The following DUS1L variants were observed in gnomAD, a reference collection of about 807,000 sequenced individuals.
DUS1L encodes dihydrouridine synthase 1 like.
In DUS1L, 56 loss-of-function variants were observed where a neutral mutation model predicts 61.2. The observed-to-expected ratio is 0.92, with a 90% confidence interval of 0.74 to 1.14. The LOEUF is 1.14. Ranked by LOEUF, DUS1L falls within the 50% of genes most tolerant of loss-of-function variation. The pLI, the probability that DUS1L is intolerant of heterozygous loss-of-function variation, is 0.00. For synonymous variants in DUS1L, 278 were observed against 259.5 expected (o/e 1.07, Z -0.69); for missense variants, 630 against 632.4 (o/e 1.00, Z 0.04).
In DUS1L at chr17:82,060,677, G is replaced by A. The variant is rs368238972; in HGVS notation, c.1022+24C>T. ...AGCCCACACCTTGGTGCACATCCCC[G>A]CCCAGGGCTGGCTGGGCTCTCACCC... On this transcript the variant is annotated intron_variant, in intron 10 of 13. Coordinates refer to ENST00000306796, the MANE Select transcript of DUS1L (RefSeq NM_022156.5). 1.4e-5 allele frequency: 23 copies of A among 1,609,282 alleles called. No individual in the cohort carries two copies. In the African/African-American group the frequency reaches 1.6e-4, roughly 11 times the overall value.
intron 10 of DUS1L, chr17:82,060,436 G>T: frequency 1.7e-6 from 1 of 588,886 alleles, no homozygotes; most frequent in South Asian, 2.1e-5. Flanking sequence ...GCTCAGAGAA[G>T]TATGTTATGG....
chr17:82,061,770 G>A (rs777093052), intron 6 of DUS1L, 49 bp from the exon 7 acceptor site: 1 of 1,601,874 alleles, frequency 6.2e-7, no homozygotes, highest in Non-Finnish European at 8.5e-7. Flanking sequence ...CAGCACCCAG[G>A]TGATGCTGCC....
In DUS1L at chr17:82,062,944, G is replaced by A. The variant is rs138008936; in HGVS notation, c.427C>T (p.Pro143Ser). ...AAGACACGGATTTTGCACGTGACAG[G>A]AACAGAGAGTTTCTCGTGGGCCAGC... is the stretch of plus-strand genomic sequence containing the variant. ...ILLAHEKLSV[P>S]VTCKIRVFPE... The change falls in exon 5 of 14, where the codon CCT (proline) becomes TCT (serine). Residue 143 changes from proline to serine, a missense_variant. Pro to Ser is a moderately conservative substitution (Grantham distance 74). Coordinates refer to ENST00000306796, the MANE Select transcript of DUS1L (RefSeq NM_022156.5). The A allele has an allele frequency of 9.3e-6, 15 of 1,612,902 alleles. No individual in the cohort carries two copies. The highest frequency in any genetic ancestry group is 1.2e-5 in the Non-Finnish European group (14 of 1,179,942).
intron 4 of DUS1L, 61 bp downstream of exon 4, chr17:82,063,407 T>G: frequency 6.2e-7 from 1 of 1,609,320 alleles, no homozygotes; most frequent in Non-Finnish European, 8.5e-7. Flanking sequence ...AAGTGGACAG[T>G]GCCCATGTGT....
At chr17:82,063,017 C>T (rs2033586431) in intron 4 of DUS1L, 44 bp from the exon 5 acceptor site, 2 of 1,541,712 alleles carry the variant, frequency 1.3e-6, no homozygotes, top group African/African-American at 2.7e-5. Context: ...ATGGTGTTCC[C>T]ACTTTAGCGG....
chr17:82,058,951 G>T, intron 11 of DUS1L, 133 bp from the exon 12 acceptor site: 1 of 841,396 alleles, frequency 1.2e-6, no homozygotes, highest in Non-Finnish European at 2.0e-6. Context: ...AGGAGGCTCA[G>T]GGAGGGCAGA....
chr17:82,065,189 G>A (rs930471083), intron 1 of DUS1L, 120 bp from the exon 2 acceptor site: 7 of 851,952 alleles, frequency 8.2e-6, no homozygotes, highest in Non-Finnish European at 1.1e-5. Context: ...TCACACGCGG[G>A]GGCACTAAAG....
chr17:82,059,653 C>T (rs1398357413), intron 11 of DUS1L: 5 of 418,220 alleles, frequency 1.2e-5, no homozygotes, highest in East Asian at 4.1e-5. Context: ...CAGGGGCAGC[C>T]GCAGGGACCC....
Position 82,061,332 on chromosome 17 carries a change from G to T in DUS1L, c.719C>A (p.Ala240Asp), listed in dbSNP as rs1256337062. 1 of 1,589,540 alleles carries T rather than the reference G, an allele frequency of 6.3e-7. No individual in the cohort carries two copies. The highest frequency in any genetic ancestry group is 1.3e-5 in the African/African-American group (1 of 74,344). ...MSAEGNLHNP[A>D]LFEGRSPAVW... is the part of the protein sequence containing the mutation. ...GGCAGGGCTCCGGCCCTCGAACAGG[G>T]CGGGGTTGTGCAGGTTGCCCTCTGT... The change falls in exon 8 of 14, where the codon GCC (alanine) becomes GAC (aspartate). Residue 240 changes from alanine (A) to aspartate (D), a missense_variant. Transcript: ENST00000306796.
intron 8 of DUS1L, 37 bp from the exon 9 acceptor site, chr17:82,060,998 G>A (rs747954443): frequency 1.9e-6 from 3 of 1,594,860 alleles, no homozygotes; most frequent in Non-Finnish European, 2.6e-6. Flanking sequence ...CTGGGCTCCC[G>A]GCTCCACCGT....
chr17:82,062,846 G>A lies in DUS1L; in HGVS notation c.510+15C>T, dbSNP rs200048736. 4.9e-5 allele frequency: 78 copies of A among 1,607,636 alleles called. No homozygotes were observed. The highest frequency in any genetic ancestry group is 3.8e-4 in the Admixed American group (23 of 60,018). Reference sequence around the variant, plus strand: ...CAGCTGAGGCCCATGACACCCCCGCGAGCCCAGGGCTCACCTGGCAGCCGG... The same window carrying A: ...CAGCTGAGGCCCATGACACCCCCGCAAGCCCAGGGCTCACCTGGCAGCCGG... On this transcript the variant is annotated intron_variant, in intron 5 of 13. Transcript: ENST00000306796.
rs2033483040 is a variant in DUS1L, at chr17:82,061,344, A to G, written c.707T>C (p.Leu236Pro). The G allele has an allele frequency of 1.9e-6, 3 of 1,578,178 alleles. No homozygotes were observed. The change falls in exon 8 of 14, where the codon CTG becomes CCG. Residue 236 changes from leucine to proline, a missense_variant. Transcript: ENST00000306796. ...VQGVMSAEGN[L>P]HNPALFEGRS... ...GCCCTCGAACAGGGCGGGGTTGTGCAGGTTGCCCTCTGTGGGAGGAGGAGC... is the reference window on the plus strand; with the variant it reads ...GCCCTCGAACAGGGCGGGGTTGTGCGGGTTGCCCTCTGTGGGAGGAGGAGC...
chr17:82,063,501 G>A lies in DUS1L; in HGVS notation c.364C>T (p.Leu122=). Reference sequence around the variant, plus strand: ...TGGAGCAGGTCCCACTCGTCCTGCAGAAAGGCGCCATAGTGACCTGCAAGG... The same window carrying A: ...TGGAGCAGGTCCCACTCGTCCTGCAAAAAGGCGCCATAGTGACCTGCAAGG... The part of the protein sequence containing the change: ...IAKRGHYGAF[L]QDEWDLLQRM... The change falls in exon 4 of 14, where the codon CTG becomes TTG. Residue 122 remains leucine, a synonymous_variant. Coordinates refer to ENST00000306796, the MANE Select transcript of DUS1L (RefSeq NM_022156.5). The A allele has an allele frequency of 6.2e-7, 1 of 1,613,698 alleles. No individual in the cohort carries two copies. The highest frequency in any genetic ancestry group is 8.5e-7 in the Non-Finnish European group (1 of 1,179,996).
chr17:82,065,471 C>T (rs896666168), intron 1 of DUS1L, 142 bp downstream of exon 1: 3 of 176,052 alleles, frequency 1.7e-5, no homozygotes, highest in African/African-American at 7.1e-5. Flanking sequence ...AAGGGCAGAG[C>T]TTCCTTCTCC....
intron 11 of DUS1L, chr17:82,059,531 G>A (rs1443929158): frequency 2.8e-5 from 5 of 179,358 alleles, no homozygotes; most frequent in Admixed American, 5.6e-5. Context: ...CTAAGAGAGG[G>A]GCGAGCAGCC....
intron 8 of DUS1L, 26 bp from the exon 9 acceptor site, chr17:82,060,987 G>C: frequency 6.2e-7 from 1 of 1,602,054 alleles, no homozygotes; most frequent in Non-Finnish European, 8.5e-7. Context: ...TGTCACGCAG[G>C]CTGGGCTCCC....
rs112527177 is a variant in DUS1L at position 82,059,966 on chromosome 17, A to G, written c.1150T>C (p.Phe384Leu). The change falls in exon 11 of 14, where the codon TTC becomes CTC. Residue 384 changes from phenylalanine (F) to leucine (L), a missense_variant. Phe to Leu is a conservative substitution (Grantham distance 22). Coordinates refer to ENST00000306796, the MANE Select transcript of DUS1L (RefSeq NM_022156.5). Reference sequence around the variant, plus strand: ...CACTTACGCTTCAGAGAGGGGTCGAAGGTCTTGTGGGGGTTCCTCAGCTGC... The same window carrying G: ...CACTTACGCTTCAGAGAGGGGTCGAGGGTCTTGTGGGGGTTCCTCAGCTGC... ...KKQLRNPHKT[F>L]DPSLKPKYAK... The G allele has an allele frequency of 6.2e-7, 1 of 1,613,964 alleles. No individual in the cohort carries two copies.
chr17:82,063,858 G>A (rs2033632882), intron 3 of DUS1L, among the ~76,000 whole-genome samples: 1 of 152,220 alleles, frequency 6.6e-6, no homozygotes, highest in South Asian at 2.1e-4. Flanking sequence ...AGTGCAAGGG[G>A]GTAATGGGGA....
At chr17:82,058,733 C>T (rs772822388) in intron 12 of DUS1L, 48 bp downstream of exon 12, 2 of 1,611,848 alleles carry the variant, frequency 1.2e-6, no homozygotes, top group South Asian at 2.2e-5. Flanking sequence ...CCACCCTGCC[C>T]ACCCCCAAAG....
Sources: allele counts gnomAD v4.1 joint callset (sites outside exome capture counted in the v4.1 genomes callset), GRCh38; gene constraint gnomAD v4.1.1; transcripts MANE v1.5; gene names NCBI Gene and HGNC (gene_info 2026-07-23, HGNC 2026-07-21).